Variants in BMPR1B observed in about 807,000 individuals in gnomAD.
BMPR1B encodes bone morphogenetic protein receptor type 1B.
BMPR1B carries 12 observed loss-of-function variants against 59.1 expected under a neutral mutation model. The ratio of observed to expected loss-of-function variants is 0.20; its 90% confidence interval spans 0.13 to 0.33. The LOEUF is 0.33. Among genes scored for constraint, BMPR1B ranks in the 10% least tolerant of loss-of-function variants. The pLI, the probability that BMPR1B is intolerant of heterozygous loss-of-function variation, is 1.00. For synonymous variants in BMPR1B, 237 were observed against 207.3 expected, an observed-to-expected ratio of 1.14 and a Z score of -1.23; for missense variants, 550 against 610.9, an observed-to-expected ratio of 0.90 and a Z score of 1.05.
At chr4:94,855,402 C>T (rs748200149) in intron 1 of BMPR1B, among the ~76,000 whole-genome samples, 9 of 152,160 alleles carry the variant, frequency 5.9e-5, no homozygotes, top group African/African-American at 9.7e-5. Flanking sequence ...TCAGGTTTCT[C>T]GGACTCTACA....
intron 2 of BMPR1B, among the ~76,000 whole-genome samples, chr4:94,895,435 C>T (rs1343582288): frequency 6.6e-6 from 1 of 151,624 alleles, no homozygotes; most frequent in African/African-American, 2.4e-5. Context: ...TTTAGACAAA[C>T]GTATCTAGTA....
At chr4:94,813,864 C>T (rs1723910736) in intron 1 of BMPR1B, among the ~76,000 whole-genome samples, 1 of 152,008 alleles carries the variant, frequency 6.6e-6, no homozygotes, top group African/African-American at 2.4e-5. Context: ...TCATAGGTGA[C>T]ACTAGGATTT....
At chr4:95,038,704 C>T (rs1725438394) in intron 3 of BMPR1B, among the ~76,000 whole-genome samples, 1 of 152,190 alleles carries the variant, frequency 6.6e-6, no homozygotes, top group African/African-American at 2.4e-5. Flanking sequence ...AGCAGTTACT[C>T]CTTTTGAATG....
chr4:95,036,367 C>G (rs1007450225), intron 3 of BMPR1B, among the ~76,000 whole-genome samples: 2 of 152,132 alleles, frequency 1.3e-5, no homozygotes. Flanking sequence ...ACCCCCAAAA[C>G]CCTTCCTAGT....
intron 3 of BMPR1B, among the ~76,000 whole-genome samples, chr4:95,007,911 A>G (rs567212152): frequency 2.8e-3 from 429 of 152,232 alleles, no homozygotes; most frequent in Middle Eastern, 0.01. Flanking sequence ...AAGTTATGAG[A>G]GTGTTATTTA....
intron 1 of BMPR1B, among the ~76,000 whole-genome samples, chr4:94,774,296 C>A (rs746631366): frequency 1.3e-4 from 19 of 151,864 alleles, no homozygotes; most frequent in Non-Finnish European, 2.5e-4. Context: ...AAATAGGAAG[C>A]CTCCACTAAA....
chr4:94,832,196 G>A (rs980626180), intron 1 of BMPR1B, among the ~76,000 whole-genome samples: 3 of 152,108 alleles, frequency 2.0e-5, no homozygotes, highest in South Asian at 2.1e-4. Flanking sequence ...GTTGAGAACC[G>A]CTGGCCTACA....
chr4:95,138,567 C>T (rs1024835129), intron 10 of BMPR1B, among the ~76,000 whole-genome samples: 3 of 152,126 alleles, frequency 2.0e-5, no homozygotes, highest in African/African-American at 7.2e-5. Flanking sequence ...ATTTGGTCTT[C>T]TCACATAGTC....
At chr4:95,108,680 G>A (rs1253900447) in intron 4 of BMPR1B, among the ~76,000 whole-genome samples, 1 of 152,022 alleles carries the variant, frequency 6.6e-6, no homozygotes, top group Non-Finnish European at 1.5e-5. Flanking sequence ...CACTGCTCAT[G>A]ATATTCACAT....
intron 3 of BMPR1B, among the ~76,000 whole-genome samples, chr4:95,040,247 A>G (rs1725558061): frequency 6.6e-6 from 1 of 152,194 alleles, no homozygotes. Flanking sequence ...AGCTATTTTC[A>G]TATGGTGTAT....
chr4:94,856,457 G>T (rs985689692), intron 1 of BMPR1B, among the ~76,000 whole-genome samples: 4 of 152,140 alleles, frequency 2.6e-5, no homozygotes, highest in African/African-American at 9.7e-5. Flanking sequence ...AAAGGAGGGG[G>T]TTTCCTCCTG....
At chr4:94,903,613 T>G (rs1337561963) in intron 2 of BMPR1B, among the ~76,000 whole-genome samples, 1 of 152,006 alleles carries the variant, frequency 6.6e-6, no homozygotes, top group Non-Finnish European at 1.5e-5. Context: ...ATGCTTAGTG[T>G]TATGGGCTGA....
chr4:94,780,682 C>CTTT (rs869117575), intron 1 of BMPR1B, among the ~76,000 whole-genome samples: 26 of 82,370 alleles, frequency 3.2e-4, no homozygotes, highest in South Asian at 4.1e-4. Flanking sequence ...GTATTATTGT[C>CTTT]TTTTTTTTTT....
At chr4:94,837,554 C>CT (rs1724874226) in intron 1 of BMPR1B, among the ~76,000 whole-genome samples, 1 of 144,684 alleles carries the variant, frequency 6.9e-6, no homozygotes, top group African/African-American at 2.6e-5. Flanking sequence ...ATTTGGCTCT[C>CT]TGTTTGTCTG....
Position 95,157,172 on chromosome 4 carries a change from A to G in BMPR1B, c.*2499A>G, listed in dbSNP as rs1735484771. ...CCTTATTATATTTGGTTGCTTTGGA[A>G]AAGATTGGTCCTATCCTCAATCTAA... On this transcript the variant is annotated 3_prime_UTR_variant, in exon 13 of 13. Coordinates refer to ENST00000515059, the MANE Select transcript of BMPR1B (RefSeq NM_001203.3). 1 of 152,144 alleles carries G rather than the reference A, an allele frequency of 6.6e-6. No homozygotes were observed. The highest frequency in any genetic ancestry group is 1.5e-5 in the Non-Finnish European group (1 of 67,990). The allele number at this position is 152,144 out of a possible 1,614,324, so 9.4% of individuals were successfully genotyped here. A position where few individuals can be genotyped will look rare whatever the true frequency, so the allele number is the denominator to read the frequency against.
At chr4:95,097,272 G>GTCA (rs1730499969) in intron 3 of BMPR1B, among the ~76,000 whole-genome samples, 1 of 150,828 alleles carries the variant, frequency 6.6e-6, no homozygotes, top group Non-Finnish European at 1.5e-5. Flanking sequence ...GAGGGACAAA[G>GTCA]GAATAAAAGA....
rs187444551 is a variant in BMPR1B, at chr4:94,980,773, C to A, written c.-112-15267C>A. On this transcript the variant is annotated intron_variant, in intron 2 of 12. Transcript: ENST00000515059. ...GAATGAATACAAATCATTGTCAAAT[C>A]AAAGTTTGTAACAATATAGTCTACT... 3.3e-5 allele frequency among the ~76,000 whole-genome samples: 5 copies of A among 152,190 alleles called. No homozygotes were observed. The East Asian group carries it at 7.7e-4, about 24-fold the overall frequency.
At chr4:94,970,519 G>C (rs1184463340) in intron 2 of BMPR1B, among the ~76,000 whole-genome samples, 2 of 152,060 alleles carry the variant, frequency 1.3e-5, no homozygotes, top group African/African-American at 2.4e-5. Context: ...TCGCCCTGTT[G>C]TCAGACTGGT....
chr4:95,096,645 T>G (rs2149255523), intron 3 of BMPR1B, among the ~76,000 whole-genome samples: 1 of 149,210 alleles, frequency 6.7e-6, no homozygotes, highest in East Asian at 1.9e-4. Flanking sequence ...TCCAAAAGCC[T>G]TACTTTTTAT....
Sources: allele counts gnomAD v4.1 joint callset (sites outside exome capture counted in the v4.1 genomes callset), GRCh38; gene constraint gnomAD v4.1.1; transcripts MANE v1.5; gene names NCBI Gene and HGNC (gene_info 2026-07-23, HGNC 2026-07-21).